The following BORCS5 variants were observed in gnomAD, a reference collection of about 807,000 sequenced individuals.
The protein encoded by BORCS5 is BLOC-1-related complex subunit 5.
BORCS5 carries 17 observed loss-of-function variants against 22.1 expected under a neutral mutation model. That is an observed-to-expected ratio of 0.77 (90% confidence interval 0.53 to 1.15). The LOEUF (loss-of-function observed/expected upper bound fraction) is 1.15. Among genes scored for constraint, BORCS5 ranks in the 50% most tolerant of loss-of-function variants. BORCS5 has a pLI of 0.00. For synonymous variants in BORCS5, 117 were observed against 99.8 expected (o/e 1.17, Z -1.03); for missense variants, 247 against 253.2 (o/e 0.98, Z 0.17).
intron 2 of BORCS5, among the ~76,000 whole-genome samples, chr12:12,365,910 T>G (rs1449618997): frequency 1.3e-5 from 2 of 152,172 alleles, no homozygotes; most frequent in Non-Finnish European, 2.9e-5. Flanking sequence ...CAAAGCCCAT[T>G]ATAGAAATCA....
At chr12:12,420,842 TG>T in intron 2 of BORCS5, among the ~76,000 whole-genome samples, 1 of 152,336 alleles carries the variant, frequency 6.6e-6, no homozygotes, top group Non-Finnish European at 1.5e-5. Flanking sequence ...ACTCATAATT[TG>T]GCTGTTTGTC....
chr12:12,418,257 C>T (rs1268876714), intron 2 of BORCS5, among the ~76,000 whole-genome samples: 1 of 149,854 alleles, frequency 6.7e-6, no homozygotes, highest in Admixed American at 6.7e-5. Flanking sequence ...CCAGGATGGT[C>T]TCAATCTCCT....
chr12:12,363,527 A>T (rs957809955), intron 2 of BORCS5, among the ~76,000 whole-genome samples: 1 of 152,168 alleles, frequency 6.6e-6, no homozygotes, highest in African/African-American at 2.4e-5. Context: ...TGAGGTCAGG[A>T]GATCGAGACC....
intron 3 of BORCS5, among the ~76,000 whole-genome samples, chr12:12,464,613 AG>A (rs1398223198): frequency 1.3e-5 from 2 of 151,912 alleles, no homozygotes; most frequent in Admixed American, 6.6e-5. Flanking sequence ...ACAAGGGGTG[AG>A]GGGGTGGAAG....
In BORCS5 at chr12:12,357,172, T is replaced by G; in HGVS notation, c.-280T>G. On this transcript the variant is annotated 5_prime_UTR_variant, in exon 1 of 4. Coordinates refer to ENST00000314565, the MANE Select transcript of BORCS5 (RefSeq NM_058169.6). ...CGCAGGTGCGGCAAAGCCAGTGTCA[T>G]CTGCCGGTTCTCTTAGGGCTCCCGG... 1 of 1,527,520 alleles carries G rather than the reference T, an allele frequency of 6.5e-7. No individual in the cohort carries two copies. The highest frequency in any genetic ancestry group is 8.7e-7 in the Non-Finnish European group (1 of 1,143,332). The allele number at this position is 1,527,520 out of a possible 1,614,324, so 94.6% of individuals were successfully genotyped here. A position where few individuals can be genotyped will look rare whatever the true frequency, so the allele number is the denominator to read the frequency against.
chr12:12,432,733 C>A (rs1292350625), intron 2 of BORCS5, among the ~76,000 whole-genome samples: 1 of 152,206 alleles, frequency 6.6e-6, no homozygotes, highest in Non-Finnish European at 1.5e-5. Flanking sequence ...AACATAGACA[C>A]ATCTCTAAAG....
Position 12,455,778 on chromosome 12 carries a change from T to TA in BORCS5, c.361-9752dup, listed in dbSNP as rs144613630. ...TGGGCAACAGAGTGAGACTCGGTCT[T>TA]AAAAAAAAAAAAAAAAGCAGTCTTG... is the stretch of plus-strand genomic sequence containing the variant. On this transcript the variant is annotated intron_variant, in intron 3 of 3. Coordinates refer to ENST00000314565, the MANE Select transcript of BORCS5 (RefSeq NM_058169.6). 2.7e-3 allele frequency among the ~76,000 whole-genome samples: 386 copies of TA among 142,056 alleles called. 1 individual carries two copies. The highest frequency in any genetic ancestry group is 7.0e-3 in the South Asian group (31 of 4,404). The allele number at this position is 142,056 out of a possible 152,430, so 93.2% of individuals were successfully genotyped here. A position where few individuals can be genotyped will look rare whatever the true frequency, so the allele number is the denominator to read the frequency against.
chr12:12,406,152 A>G (rs1238675935), intron 2 of BORCS5, among the ~76,000 whole-genome samples: 2 of 152,172 alleles, frequency 1.3e-5, no homozygotes. Flanking sequence ...TTTGCCCCCT[A>G]TTTACAGTCT....
intron 2 of BORCS5, among the ~76,000 whole-genome samples, chr12:12,401,874 T>G (rs572130883): frequency 2.6e-5 from 4 of 151,492 alleles, no homozygotes. Context: ...CTGGTTAACA[T>G]GGTGAAACCC....
At chr12:12,430,826 T>C (rs1052321550) in intron 2 of BORCS5, among the ~76,000 whole-genome samples, 3 of 152,232 alleles carry the variant, frequency 2.0e-5, no homozygotes, top group Admixed American at 1.3e-4. Flanking sequence ...TATGCAATGA[T>C]AGCACACTCT....
chr12:12,401,268 T>C lies in BORCS5; in HGVS notation c.203-34360T>C, dbSNP rs578107388. Among the ~76,000 whole-genome samples, 210 of 152,334 alleles carry C rather than the reference T, an allele frequency of 1.4e-3. 8 individuals carry two copies. The South Asian group carries it at 0.042, about 30-fold the overall frequency. On this transcript the variant is annotated intron_variant, in intron 2 of 3. Transcript: ENST00000314565. ...AAGTAGTTATGCTCTTTTATCGCCT[T>C]ACTAGCTATATATTAGAGTTCCTGT... is the stretch of plus-strand genomic sequence containing the variant.
chr12:12,408,110 C>G (rs756732216), intron 2 of BORCS5, among the ~76,000 whole-genome samples: 8 of 152,220 alleles, frequency 5.3e-5, no homozygotes, highest in Non-Finnish European at 8.8e-5. Flanking sequence ...CAGGTTCCAT[C>G]TGTATTCTAG....
chr12:12,359,671 T>TTA (rs1555143227), intron 1 of BORCS5, among the ~76,000 whole-genome samples: 28 of 138,130 alleles, frequency 2.0e-4, no homozygotes, highest in Admixed American at 2.9e-4. Flanking sequence ...CGCCTTGACT[T>TTA]AAAAAAAAAA....
At chr12:12,404,391 C>G (rs1325042385) in intron 2 of BORCS5, among the ~76,000 whole-genome samples, 2 of 152,180 alleles carry the variant, frequency 1.3e-5, no homozygotes, top group African/African-American at 4.8e-5. Flanking sequence ...AGTGCTGCGT[C>G]TTCTAGAGTG....
chr12:12,431,594 G>A (rs954769592), intron 2 of BORCS5, among the ~76,000 whole-genome samples: 4 of 151,840 alleles, frequency 2.6e-5, no homozygotes, highest in African/African-American at 7.3e-5. Context: ...TAGAGACGGG[G>A]TTTCACCATG....
At chr12:12,423,763 ACTGCAACCT>A (rs1179106422) in intron 2 of BORCS5, among the ~76,000 whole-genome samples, 2 of 152,130 alleles carry the variant, frequency 1.3e-5, no homozygotes, top group Non-Finnish European at 2.9e-5. Flanking sequence ...ATCTCAGCTC[ACTGCAACCT>A]CTGCATCCCA....
At chr12:12,368,450 T>C (rs1313875688) in intron 2 of BORCS5, among the ~76,000 whole-genome samples, 1 of 151,982 alleles carries the variant, frequency 6.6e-6, no homozygotes, top group Non-Finnish European at 1.5e-5. Context: ...TTCTTTTCCT[T>C]CTTCTTTTTT....
chr12:12,386,415 G>A (rs763263572), intron 2 of BORCS5, among the ~76,000 whole-genome samples: 2 of 147,192 alleles, frequency 1.4e-5, no homozygotes, highest in Non-Finnish European at 3.0e-5. Flanking sequence ...TAGATTTAGT[G>A]TAATTTCAGT....
At chr12:12,427,781 A>G (rs926303956) in intron 2 of BORCS5, among the ~76,000 whole-genome samples, 10 of 152,132 alleles carry the variant, frequency 6.6e-5, no homozygotes, top group South Asian at 4.1e-4. Flanking sequence ...GCAGATGGCT[A>G]TCTTCTTGCT....
Sources: allele counts gnomAD v4.1 joint callset (sites outside exome capture counted in the v4.1 genomes callset), GRCh38; gene constraint gnomAD v4.1.1; transcripts MANE v1.5; gene names NCBI Gene and HGNC (gene_info 2026-07-23, HGNC 2026-07-21).